SLC25A45: variants seen among roughly 807,000 people sequenced by gnomAD.
SLC25A45 encodes methylated amino-acid transporter SLC25A45.
In SLC25A45, 22 loss-of-function variants were observed where a neutral mutation model predicts 23.0. That is an observed-to-expected ratio of 0.95 (90% CI 0.68 to 1.36). SLC25A45 has a LOEUF of 1.36. Among genes scored for constraint, SLC25A45 ranks in the 40% most tolerant of loss-of-function variants. The pLI, the probability that SLC25A45 is intolerant of heterozygous loss-of-function variation, is 0.00. For synonymous variants in SLC25A45, 136 were observed against 155.0 expected, an observed-to-expected ratio of 0.88 and a Z score of 0.91; for missense variants, 355 against 383.5, an observed-to-expected ratio of 0.93 and a Z score of 0.62.
Position 65,382,146 on chromosome 11 carries a change from G to A in SLC25A45, c.-18-177C>T. The A allele has an allele frequency of 3.2e-6, 2 of 628,210 alleles. No homozygotes were observed. Among genetic ancestry groups the A allele is most frequent in the South Asian group, 1.8e-5 (1 of 56,890 alleles). 38.9% of individuals were successfully genotyped at this position (628,210 alleles called of 1,614,324 possible). ...CAGTTCCGGTGACCCTGGCCACCTG[G>A]AGGAGTCGTGCAGAGTACAGTCTCA... On this transcript the variant is annotated intron_variant, in intron 1 of 6. Transcript: ENST00000398802. The surrounding 1 kb of genome is among the most constrained non-coding windows in gnomAD (Gnocchi z 4.4).
At chr11:65,380,809 A>G (rs936439225) in intron 2 of SLC25A45, 6 of 334,518 alleles carry the variant, frequency 1.8e-5, no homozygotes, top group Admixed American at 8.1e-5. Flanking sequence ...TGCCACCCAG[A>G]AGCTGGGCTG....
chr11:65,381,983 C>A lies in SLC25A45; in HGVS notation c.-18-14G>T, dbSNP rs763451997. On this transcript the variant is annotated splice_polypyrimidine_tract_variant and intron_variant, in intron 1 of 6. Coordinates refer to ENST00000398802, the MANE Select transcript of SLC25A45 (RefSeq NM_182556.4). ...GGCTTGCGGGAACTGGTGGCTCCAGCAGAGGAGACAGAGTTGAATTCCCCC... is the reference window on the plus strand; with the variant it reads ...GGCTTGCGGGAACTGGTGGCTCCAGAAGAGGAGACAGAGTTGAATTCCCCC... The A allele has an allele frequency of 4.4e-6, 7 of 1,589,022 alleles. No homozygotes were observed. Among genetic ancestry groups the A allele is most frequent in the Non-Finnish European group, 6.0e-6 (7 of 1,157,280 alleles).
In SLC25A45 at chr11:65,382,023, GC is replaced by G; in HGVS notation, c.-18-55del. ...TGAATTCCCCCCTCTCCCTCCCCTG[GC>G]CCACGCTGATAACCTCCCACTAATG... On this transcript the variant is annotated intron_variant, in intron 1 of 6. Coordinates refer to ENST00000398802, the MANE Select transcript of SLC25A45 (RefSeq NM_182556.4). This position sits in a 1 kb window ranked among gnomAD's most constrained non-coding sequence, Gnocchi z 4.4. The G allele has an allele frequency of 7.6e-7, 1 of 1,312,740 alleles. No individual in the cohort carries two copies. The highest frequency in any genetic ancestry group is 1.4e-5 in the African/African-American group (1 of 69,186). 81.3% of individuals were successfully genotyped at this position (1,312,740 alleles called of 1,614,324 possible). A position where few individuals can be genotyped will look rare whatever the true frequency, so the allele number is the denominator to read the frequency against.
At position 65,381,560 on chromosome 11, in the gene SLC25A45, C is replaced by CTTTTT. The variant is rs34891223; in HGVS notation, c.37+350_37+354dup. On this transcript the variant is annotated intron_variant, in intron 2 of 6. Coordinates refer to ENST00000398802, the MANE Select transcript of SLC25A45 (RefSeq NM_182556.4). ...AGGTGTGAGCCACCATGCCCTGATT[C>CTTTTT]TTTTTTTTTTTTTTTTTTTTTTTTT... is the stretch of plus-strand genomic sequence containing the variant. 235 of 84,644 alleles carry CTTTTT rather than the reference C, an allele frequency of 2.8e-3. 11 individuals carry two copies. Among genetic ancestry groups the CTTTTT allele is most frequent in the South Asian group, 3.8e-3 (22 of 5,860 alleles). The allele number at this position is 84,644 out of a possible 1,614,324, so 5.2% of individuals were successfully genotyped here. A position where few individuals can be genotyped will look rare whatever the true frequency, so the allele number is the denominator to read the frequency against.
rs770586479 is a variant in SLC25A45 at position 65,376,885 on chromosome 11, C to T, written c.531G>A (p.Thr177=). Residue 177 remains threonine (T), a synonymous_variant, in exon 6 of 7, where the codon ACG becomes ACA. Coordinates refer to ENST00000398802, the MANE Select transcript of SLC25A45 (RefSeq NM_182556.4). ...AWALTLRDTP[T]VGIYFITYEG... Reference sequence around the variant, plus strand: ...CATAGGTGATGAAGTAGATCCCCACCGTGGGGGTGTCCCTCAGCGTCAGGG... The same window carrying T: ...CATAGGTGATGAAGTAGATCCCCACTGTGGGGGTGTCCCTCAGCGTCAGGG... 28 of 1,614,080 alleles carry T rather than the reference C, an allele frequency of 1.7e-5. No individual in the cohort carries two copies. In the South Asian group the frequency reaches 2.0e-4, roughly 11 times the overall value.
chr11:65,380,773 C>T (rs943870755), intron 2 of SLC25A45: 3 of 357,738 alleles, frequency 8.4e-6, no homozygotes, highest in Middle Eastern at 9.9e-4. Flanking sequence ...AGGTTCAGAA[C>T]GTCCCTCTCT....
intron 2 of SLC25A45, chr11:65,380,683 C>T: frequency 9.5e-7 from 1 of 1,052,476 alleles, no homozygotes; most frequent in Non-Finnish European, 1.3e-6. Context: ...CCCCTCCCCT[C>T]CACCTGCCCA....
At chr11:65,383,286 G>C (rs1855657233), upstream of SLC25A45, 1 of 152,394 alleles carries the variant, frequency 6.6e-6, no homozygotes, top group South Asian at 2.1e-4. Context: ...CTTTCTCCCG[G>C]GTGGACAGAT....
Position 65,376,141 on chromosome 11 carries a change from CA to C in SLC25A45, c.*265del, listed in dbSNP as rs573511848. 1.5e-4 allele frequency: 82 copies of C among 552,280 alleles called. No individual in the cohort carries two copies. Among genetic ancestry groups the C allele is most frequent in the African/African-American group, 1.5e-3 (77 of 52,836 alleles). The allele number at this position is 552,280 out of a possible 1,614,324, so 34.2% of individuals were successfully genotyped here. A position where few individuals can be genotyped will look rare whatever the true frequency, so the allele number is the denominator to read the frequency against. On this transcript the variant is annotated 3_prime_UTR_variant, in exon 7 of 7. Coordinates refer to ENST00000398802, the MANE Select transcript of SLC25A45 (RefSeq NM_182556.4). ...CTGGGATGTCACCAGCACCACTTGCCAGCTCACTTGTGCCTCATGCTCCCTG... is the reference window on the plus strand; with the variant it reads ...CTGGGATGTCACCAGCACCACTTGCCGCTCACTTGTGCCTCATGCTCCCTG...
chr11:65,377,510 C>A, intron 5 of SLC25A45: 1 of 753,268 alleles, frequency 1.3e-6, no homozygotes, highest in South Asian at 5.3e-5. Flanking sequence ...TGAAGGAGGT[C>A]CCCTCGTGAG....
Position 65,379,469 on chromosome 11 carries a change from C to A in SLC25A45, c.246G>T (p.Leu82=). The part of the protein sequence containing the change: ...VLFGVYSNTL[L]VLTATSHQER... ...CCTGGTGGGAGGTGGCCGTGAGCAC[C>A]AGCAGGGTGTTGCTATAGACCCCAA... The change falls in exon 5 of 7, where the codon CTG becomes CTT. Residue 82 remains leucine, a synonymous_variant. Transcript: ENST00000398802. The A allele has an allele frequency of 6.2e-7, 1 of 1,614,108 alleles. No homozygotes were observed. The highest frequency in any genetic ancestry group is 8.5e-7 in the Non-Finnish European group (1 of 1,179,992).
At chr11:65,377,374 T>G (rs997389364) in intron 5 of SLC25A45, 24 of 1,249,518 alleles carry the variant, frequency 1.9e-5, no homozygotes, top group Non-Finnish European at 2.1e-5. Flanking sequence ...GGATTCTTTT[T>G]GCAGGAGCAG....
chr11:65,380,628 G>T (rs775675501), intron 2 of SLC25A45: 6 of 1,290,208 alleles, frequency 4.7e-6, no homozygotes, highest in Non-Finnish European at 5.1e-6. Flanking sequence ...CAGAACTGCA[G>T]GGCCCTGATG....
In SLC25A45 at chr11:65,382,548, AAC is replaced by A. The variant is rs1855631453; in HGVS notation, c.-83_-82del. 1.3e-5 allele frequency: 2 copies of A among 155,158 alleles called. No individual in the cohort carries two copies. The highest frequency in any genetic ancestry group is 1.9e-4 in the South Asian group (1 of 5,356). 9.6% of individuals were successfully genotyped at this position (155,158 alleles called of 1,614,324 possible). The stretch of plus-strand genomic sequence containing the variant: ...CCCCGACTCCCCCGTGTGAGTCAGA[AAC>A]ACAGCCTTCCTCGGCTTCCTCCTTC... On this transcript the variant is annotated 5_prime_UTR_variant, in exon 1 of 7. Coordinates refer to ENST00000398802, the MANE Select transcript of SLC25A45 (RefSeq NM_182556.4). The surrounding 1 kb of genome is among the most constrained non-coding windows in gnomAD (Gnocchi z 4.4).
In SLC25A45 at chr11:65,376,114, AG is replaced by A; in HGVS notation, c.*292del. 1 of 468,754 alleles carries A rather than the reference AG, an allele frequency of 2.1e-6. No homozygotes were observed. 29.0% of individuals were successfully genotyped at this position (468,754 alleles called of 1,614,324 possible). A position where few individuals can be genotyped will look rare whatever the true frequency, so the allele number is the denominator to read the frequency against. ...AAAAGAGGTGAAGGCACAGGACAGG[AG>A]CTGGGATGTCACCAGCACCACTTGC... On this transcript the variant is annotated 3_prime_UTR_variant, in exon 7 of 7. Coordinates refer to ENST00000398802, the MANE Select transcript of SLC25A45 (RefSeq NM_182556.4).
chr11:65,379,742 C>G, intron 4 of SLC25A45, 125 bp downstream of exon 4: 1 of 1,366,364 alleles, frequency 7.3e-7, no homozygotes, highest in Admixed American at 2.0e-5. Flanking sequence ...CCCAGGCCCC[C>G]CAAGGATCCC....
In SLC25A45 at chr11:65,376,261, G is replaced by C; in HGVS notation, c.*146C>G. ...TCCGGCTCCCACAGGTGTCTGCCCAGCCCAGATCTGCGCGGGTGGGAGGCA... is the reference window on the plus strand; with the variant it reads ...TCCGGCTCCCACAGGTGTCTGCCCACCCCAGATCTGCGCGGGTGGGAGGCA... On this transcript the variant is annotated 3_prime_UTR_variant, in exon 7 of 7. Coordinates refer to ENST00000398802, the MANE Select transcript of SLC25A45 (RefSeq NM_182556.4). The C allele has an allele frequency of 1.9e-6, 2 of 1,033,170 alleles. No individual in the cohort carries two copies. The highest frequency in any genetic ancestry group is 2.8e-6 in the Non-Finnish European group (2 of 712,390). 64.0% of individuals were successfully genotyped at this position (1,033,170 alleles called of 1,614,324 possible). A position where few individuals can be genotyped will look rare whatever the true frequency, so the allele number is the denominator to read the frequency against.
chr11:65,378,074 T>G (rs75723458), intron 5 of SLC25A45: 2 of 152,084 alleles, frequency 1.3e-5, no homozygotes, highest in Admixed American at 1.3e-4. Flanking sequence ...TACCATCCCT[T>G]GGGAGATGGG....
intron 5 of SLC25A45, chr11:65,378,551 C>T (rs546607386): frequency 2.0e-5 from 3 of 152,342 alleles, no homozygotes; most frequent in South Asian, 2.1e-4. Flanking sequence ...GGTGGCACCT[C>T]GCACAAGAAG....
Sources: allele counts gnomAD v4.1 joint callset, GRCh38; gene constraint gnomAD v4.1.1; non-coding constraint Gnocchi (gnomAD v3.1); transcripts MANE v1.5; gene names NCBI Gene and HGNC (gene_info 2026-07-23, HGNC 2026-07-21).